Variants in TMEM221 observed in about 807,000 individuals in gnomAD.
TMEM221 encodes the protein transmembrane protein 221.
In TMEM221, 11 loss-of-function variants were observed where a neutral mutation model predicts 10.2. That is an observed-to-expected ratio of 1.08 (90% CI 0.68 to 1.79). TMEM221 has a LOEUF of 1.79. Ranked by LOEUF, TMEM221 falls within the 40% of genes most tolerant of loss-of-function variation. The pLI is 0.00. For missense variants in TMEM221, 382 were observed against 417.7 expected, an observed-to-expected ratio of 0.91 and a Z score of 0.75; for synonymous variants, 172 against 199.8, an observed-to-expected ratio of 0.86 and a Z score of 1.18.
Position 17,445,231 on chromosome 19 carries a change from A to C in TMEM221, c.374T>G (p.Leu125Arg), listed in dbSNP as rs369730336. 1.4e-5 allele frequency: 21 copies of C among 1,535,886 alleles called. No individual in the cohort carries two copies. The East Asian group carries it at 2.7e-4, about 20-fold the overall frequency. The change falls in exon 2 of 3, where the codon CTT becomes CGT. Residue 125 changes from leucine (L) to arginine (R), a missense_variant. Physicochemically the swap from Leu to Arg is moderately radical, Grantham distance 102. Coordinates refer to ENST00000341130, the MANE Select transcript of TMEM221 (RefSeq NM_001190844.2). ...ATAGACGGAGATCCCACAGCAGAAA[A>C]GGCCAAGGGCCACATGTCTGAGGAG... is the stretch of plus-strand genomic sequence containing the variant. ...CRLLRHVALG[L>R]FCCGISVYLA...
chr19:17,436,493 G>A lies in TMEM221; in HGVS notation c.841C>T (p.Pro281Ser), dbSNP rs1473067583. ...HEMRRMLGHR[P>S]GSMGKDSTLV is the part of the protein sequence containing the mutation. Reference sequence around the variant, plus strand: ...GTGGAGTCCTTCCCCATGCTCCCTGGTCTGTGGCCCAGCATTCGACGCATC... The same window carrying A: ...GTGGAGTCCTTCCCCATGCTCCCTGATCTGTGGCCCAGCATTCGACGCATC... Residue 281 changes from proline to serine, a missense_variant, in exon 3 of 3, where the codon CCA becomes TCA. Physicochemically the swap from Pro to Ser is moderately conservative, Grantham distance 74. Coordinates refer to ENST00000341130, the MANE Select transcript of TMEM221 (RefSeq NM_001190844.2). 13 of 1,532,532 alleles carry A rather than the reference G, an allele frequency of 8.5e-6. No individual in the cohort carries two copies. The East Asian group carries it at 3.2e-4, about 38-fold the overall frequency. The allele number at this position is 1,532,532 out of a possible 1,614,324, so 94.9% of individuals were successfully genotyped here. A position where few individuals can be genotyped will look rare whatever the true frequency, so the allele number is the denominator to read the frequency against.
At chr19:17,443,589 G>C (rs933134136) in intron 2 of TMEM221, among the ~76,000 whole-genome samples, 13 of 151,832 alleles carry the variant, frequency 8.6e-5, no homozygotes, top group African/African-American at 3.1e-4. Flanking sequence ...ACCCACTTTG[G>C]CCTCCCAAAG....
Position 17,448,339 on chromosome 19 carries a change from G to T in TMEM221, c.124C>A (p.Arg42=). 1 of 1,319,180 alleles carries T rather than the reference G, an allele frequency of 7.6e-7. No homozygotes were observed. Among genetic ancestry groups the T allele is most frequent in the Non-Finnish European group, 9.7e-7 (1 of 1,035,682 alleles). The allele number at this position is 1,319,180 out of a possible 1,614,324, so 81.7% of individuals were successfully genotyped here. A position where few individuals can be genotyped will look rare whatever the true frequency, so the allele number is the denominator to read the frequency against. The change falls in exon 1 of 3, where the codon CGG becomes AGG. Residue 42 remains arginine, a synonymous_variant. Transcript: ENST00000341130. The surrounding 1 kb of genome is among the most constrained non-coding windows in gnomAD (Gnocchi z 4.7). The part of the protein sequence containing the change: ...FQLQAGRAEL[R]GLRAEGLGQE... ...CCCAGCCCCTCGGCGCGCAGCCCCC[G>T]CAGCTCGGCGCGGCCCGCCTGCAGC...
intron 2 of TMEM221, among the ~76,000 whole-genome samples, chr19:17,441,069 G>A (rs1419642502): frequency 1.3e-5 from 2 of 152,042 alleles, no homozygotes; most frequent in African/African-American, 4.8e-5. Context: ...TTAGCTGGGC[G>A]TGCTGGTGGG....
rs548536904 is a variant in TMEM221 at position 17,438,202 on chromosome 19, C to G, written c.407-1275G>C. Among the ~76,000 whole-genome samples, 7 of 151,894 alleles carry G rather than the reference C, an allele frequency of 4.6e-5. No individual in the cohort carries two copies. In the South Asian group the frequency reaches 1.5e-3, roughly 32 times the overall value. On this transcript the variant is annotated intron_variant, in intron 2 of 2. Coordinates refer to ENST00000341130, the MANE Select transcript of TMEM221 (RefSeq NM_001190844.2). ...TTCCCGGGTTCAAGCGATTCTCATG[C>G]CTCAGCCTCCCAAGTAGCTGGGATT...
intron 1 of TMEM221, among the ~76,000 whole-genome samples, chr19:17,445,809 G>A (rs2074951034): frequency 6.7e-6 from 1 of 148,252 alleles, no homozygotes; most frequent in African/African-American, 2.5e-5. Context: ...CATCAAACCA[G>A]TCATCCATCC....
intron 2 of TMEM221, 22 bp from the exon 3 acceptor site, chr19:17,436,949 A>G (rs1472862421): frequency 8.0e-6 from 11 of 1,383,268 alleles, no homozygotes; most frequent in South Asian, 5.5e-5. Flanking sequence ...AACGACTCTC[A>G]TTTATTCAGT....
Position 17,448,073 on chromosome 19 carries a change from G to A in TMEM221, c.320+70C>T. The A allele has an allele frequency of 8.2e-7, 1 of 1,226,564 alleles. No individual in the cohort carries two copies. Among genetic ancestry groups the A allele is most frequent in the Non-Finnish European group, 1.0e-6 (1 of 971,818 alleles). The allele number at this position is 1,226,564 out of a possible 1,614,324, so 76.0% of individuals were successfully genotyped here. A position where few individuals can be genotyped will look rare whatever the true frequency, so the allele number is the denominator to read the frequency against. On this transcript the variant is annotated intron_variant, in intron 1 of 2. Transcript: ENST00000341130. This position sits in a 1 kb window ranked among gnomAD's most constrained non-coding sequence, Gnocchi z 4.7. ...TCCCCCCAGCCTGAGGCCAAAAGAG[G>A]GGAAGAGGCTCAACCAGGCTCACCC...
At chr19:17,437,677 G>A (rs535308097) in intron 2 of TMEM221, among the ~76,000 whole-genome samples, 16 of 152,238 alleles carry the variant, frequency 1.1e-4, no homozygotes, top group Admixed American at 1.3e-4. Context: ...GCAGTGAGCC[G>A]AGATCGCACC....
At chr19:17,442,847 T>A (rs73018481) in intron 2 of TMEM221, among the ~76,000 whole-genome samples, 64,816 of 150,034 alleles carry the variant, frequency 0.43, 15,336 homozygotes, top group Non-Finnish European at 0.53. Context: ...CTCCTTTTTT[T>A]AAAAAAAAAA....
intron 2 of TMEM221, among the ~76,000 whole-genome samples, chr19:17,440,967 G>A (rs2074929542): frequency 6.6e-6 from 1 of 152,132 alleles, no homozygotes; most frequent in Non-Finnish European, 1.5e-5. Flanking sequence ...CAGCACTTTG[G>A]GAGGCCGAAG....
chr19:17,442,848 A>T (rs560637588), intron 2 of TMEM221, among the ~76,000 whole-genome samples: 102 of 145,356 alleles, frequency 7.0e-4, no homozygotes, highest in African/African-American at 2.1e-3. Context: ...TCCTTTTTTT[A>T]AAAAAAAAAC....
intron 1 of TMEM221, among the ~76,000 whole-genome samples, chr19:17,447,178 C>T (rs1314231075): frequency 2.6e-5 from 4 of 151,006 alleles, no homozygotes; most frequent in South Asian, 2.1e-4. Context: ...ACCGAGATAG[C>T]GCCACTGCAC....
rs1402670612 is a variant in TMEM221 at position 17,448,576 on chromosome 19, G to C, written c.-114C>G. The C allele has an allele frequency of 1.3e-6, 1 of 772,500 alleles. No individual in the cohort carries two copies. Among genetic ancestry groups the C allele is most frequent in the East Asian group, 3.6e-5 (1 of 27,440 alleles). 47.9% of individuals were successfully genotyped at this position (772,500 alleles called of 1,614,324 possible). A position where few individuals can be genotyped will look rare whatever the true frequency, so the allele number is the denominator to read the frequency against. ...AGGGGGTCCCCGAGGGGGCGGGGCC[G>C]CAGGGAGTGTCTGAAAGTTCGGGGA... On this transcript the variant is annotated 5_prime_UTR_variant, in exon 1 of 3. Transcript: ENST00000341130. This position sits in a 1 kb window ranked among gnomAD's most constrained non-coding sequence, Gnocchi z 4.7.
Position 17,436,500 on chromosome 19 carries a change from GC to G in TMEM221, c.833del (p.Gly278AlafsTer21). On this transcript the variant is annotated frameshift_variant, in exon 3 of 3. Transcript: ENST00000341130. LOFTEE classifies it high-confidence loss of function. ...CCTTCCCCATGCTCCCTGGTCTGTG[GC>G]CCAGCATTCGACGCATCTCGTGCGT... ...GVTHEMRRML[G>X]HRPGSMGKDS... 6.5e-7 allele frequency: 1 copy of G among 1,533,532 alleles called. No homozygotes were observed. The highest frequency in any genetic ancestry group is 8.7e-7 in the Non-Finnish European group (1 of 1,145,070). The allele number at this position is 1,533,532 out of a possible 1,614,324, so 95.0% of individuals were successfully genotyped here.
intron 2 of TMEM221, 90 bp downstream of exon 2, chr19:17,445,109 C>A: frequency 8.4e-7 from 1 of 1,184,010 alleles, no homozygotes; most frequent in Non-Finnish European, 1.2e-6. Context: ...CTCAAGGAGG[C>A]TGTCTGCAGA....
chr19:17,437,254 A>G (rs1039340647), intron 2 of TMEM221, among the ~76,000 whole-genome samples: 8 of 152,172 alleles, frequency 5.3e-5, no homozygotes, highest in African/African-American at 1.7e-4. Context: ...CAACAGAAAG[A>G]GACTAATTTC....
Position 17,436,441 on chromosome 19 carries a change from A to C in TMEM221, c.*17T>G, listed in dbSNP as rs1427205234. 6.7e-7 allele frequency: 1 copy of C among 1,482,594 alleles called. No individual in the cohort carries two copies. 91.8% of individuals were successfully genotyped at this position (1,482,594 alleles called of 1,614,324 possible). ...TATCCTTTTCTTACACCAGGTCTCT[A>C]TTCCTCATCCCTGGGCTCACACCAG... On this transcript the variant is annotated 3_prime_UTR_variant, in exon 3 of 3. Coordinates refer to ENST00000341130, the MANE Select transcript of TMEM221 (RefSeq NM_001190844.2).
rs2074909731 is a variant in TMEM221 at position 17,436,611 on chromosome 19, G to A, written c.723C>T (p.Ala241=). The A allele has an allele frequency of 6.5e-7, 1 of 1,536,038 alleles. No individual in the cohort carries two copies. Among genetic ancestry groups the A allele is most frequent in the Non-Finnish European group, 8.7e-7 (1 of 1,146,918 alleles). ...GSMATATAPA[A]LEGGWESSLP... ...GGCTGCTCTCCCAGCCTCCCTCCAG[G>A]GCTGCAGGTGCTGTGGCAGTGGCCA... The change falls in exon 3 of 3, where the codon GCC becomes GCT. Residue 241 remains alanine (A), a synonymous_variant. Coordinates refer to ENST00000341130, the MANE Select transcript of TMEM221 (RefSeq NM_001190844.2).
Sources: allele counts gnomAD v4.1 joint callset (sites outside exome capture counted in the v4.1 genomes callset), GRCh38; gene constraint gnomAD v4.1.1; non-coding constraint Gnocchi (gnomAD v3.1); transcripts MANE v1.5; gene names NCBI Gene and HGNC (gene_info 2026-07-23, HGNC 2026-07-21).